Variants in PLCH2 observed in about 807,000 individuals in gnomAD.
The protein encoded by PLCH2 is phospholipase C eta 2.
A neutral mutation model predicts 134.7 loss-of-function variants in PLCH2; 98 were observed. That is an observed-to-expected ratio of 0.73 (90% CI 0.62 to 0.86). PLCH2 has a LOEUF of 0.86. PLCH2 is among the 40% of genes least tolerant of loss of function. The pLI is 0.00. For synonymous variants in PLCH2, 974 were observed against 827.5 expected (o/e 1.18, Z -3.04); for missense variants, 1,994 against 1,986.6 (o/e 1.00, Z -0.07).
intron 2 of PLCH2, among the ~76,000 whole-genome samples, chr1:2,435,702 G>C (rs894141093): frequency 5.9e-5 from 9 of 152,044 alleles, no homozygotes; most frequent in Non-Finnish European, 8.8e-5. Flanking sequence ...GGGTTTCCAG[G>C]GTCCTTTGAT....
upstream of PLCH2, among the ~76,000 whole-genome samples, chr1:2,476,071 G>A (rs766265759): frequency 9.2e-5 from 14 of 152,224 alleles, no homozygotes; most frequent in Non-Finnish European, 2.1e-4. Context: ...CAGGCCTTCC[G>A]GTTGCGTTCT....
At position 2,444,582 on chromosome 1, in the gene PLCH2, G is replaced by A. The variant is rs1227316163; in HGVS notation, c.115+13953G>A. Among the ~76,000 whole-genome samples, 1 of 152,126 alleles carries A rather than the reference G, an allele frequency of 6.6e-6. No individual in the cohort carries two copies. On this transcript the variant is annotated intron_variant, in intron 2 of 3. Coordinates refer to the PLCH2 transcript ENST00000609981. The surrounding 1 kb of genome is among the most constrained non-coding windows in gnomAD (Gnocchi z 4.6). ...GGGTCTCCTGGGCTCTGGACCTGCC[G>A]GCAGAGCTACAGGGTATTCTTTAGG...
intron 2 of PLCH2, among the ~76,000 whole-genome samples, chr1:2,450,632 C>T (rs1404080016): frequency 3.5e-5 from 3 of 85,288 alleles, no homozygotes; most frequent in Non-Finnish European, 4.8e-5. Flanking sequence ...ACTCCAACTC[C>T]CCCCCTGCCC....
chr1:2,453,206 C>A (rs964170619), intron 2 of PLCH2, among the ~76,000 whole-genome samples: 24 of 152,208 alleles, frequency 1.6e-4, no homozygotes, highest in Admixed American at 1.3e-4. Flanking sequence ...CGCAAGTCTG[C>A]CCCCCGACAG....
At chr1:2,455,825 C>G (rs536381821) in intron 2 of PLCH2, among the ~76,000 whole-genome samples, 1 of 152,192 alleles carries the variant, frequency 6.6e-6, no homozygotes, top group Non-Finnish European at 1.5e-5. Context: ...CCTCCCTCCC[C>G]GGCCGTGCCC....
chr1:2,491,345 A>G lies in PLCH2; in HGVS notation c.1659+10A>G. ...AAAGCTCGGACGCAAGGTAGAGGCC[A>G]AAAAGGTGACACCCCTGATGCCGAC... On this transcript the variant is annotated intron_variant, in intron 11 of 21. Coordinates refer to ENST00000378486, the MANE Select transcript of PLCH2 (RefSeq NM_014638.4). 4 of 1,609,618 alleles carry G rather than the reference A, an allele frequency of 2.5e-6. No individual in the cohort carries two copies. In the Middle Eastern group the frequency reaches 5.0e-4, roughly 203 times the overall value.
rs1332870017 is a variant in PLCH2 at position 2,476,578 on chromosome 1, G to A, written c.-11G>A. 7 of 1,512,066 alleles carry A rather than the reference G, an allele frequency of 4.6e-6. No homozygotes were observed. Among genetic ancestry groups the A allele is most frequent in the Non-Finnish European group, 6.2e-6 (7 of 1,137,818 alleles). The allele number at this position is 1,512,066 out of a possible 1,614,324, so 93.7% of individuals were successfully genotyped here. A position where few individuals can be genotyped will look rare whatever the true frequency, so the allele number is the denominator to read the frequency against. The stretch of plus-strand genomic sequence containing the variant: ...TGGCCTCCGTGAAGCAGGCCCGGCT[G>A]TCGTCAGGCCATGTCTGGTCCATGG... On this transcript the variant is annotated 5_prime_UTR_variant, in exon 1 of 22. Coordinates refer to ENST00000378486, the MANE Select transcript of PLCH2 (RefSeq NM_014638.4).
In PLCH2 at chr1:2,448,619, C is replaced by T. The variant is rs1640051971; in HGVS notation, c.115+17990C>T. 6.6e-6 allele frequency among the ~76,000 whole-genome samples: 1 copy of T among 151,730 alleles called. No individual in the cohort carries two copies. Among genetic ancestry groups the T allele is most frequent in the South Asian group, 2.1e-4 (1 of 4,804 alleles). On this transcript the variant is annotated intron_variant, in intron 2 of 3. Transcript: ENST00000609981. The surrounding 1 kb of genome is among the most constrained non-coding windows in gnomAD (Gnocchi z 4.0). Reference sequence around the variant, plus strand: ...TCTGTCGGGGGTCGCCCTTCAGCCCCCTACTGTGGCCGTGTGCTCCACCCC... The same window carrying T: ...TCTGTCGGGGGTCGCCCTTCAGCCCTCTACTGTGGCCGTGTGCTCCACCCC...
chr1:2,450,164 C>G (rs1640124132), intron 2 of PLCH2, among the ~76,000 whole-genome samples: 1 of 152,208 alleles, frequency 6.6e-6, no homozygotes, highest in Non-Finnish European at 1.5e-5. Flanking sequence ...GTTGCTGTCC[C>G]CTTCTTGGCT....
chr1:2,489,395 C>G lies in PLCH2; in HGVS notation c.1407+17C>G. ...CTCGTGAAGGTGAGTGAGCCCCTGC[C>G]CTCCTGGGACCAGCTCACACAGAGT... On this transcript the variant is annotated intron_variant, in intron 9 of 21. Coordinates refer to ENST00000378486, the MANE Select transcript of PLCH2 (RefSeq NM_014638.4). 6.2e-7 allele frequency: 1 copy of G among 1,612,194 alleles called. No homozygotes were observed. The highest frequency in any genetic ancestry group is 8.5e-7 in the Non-Finnish European group (1 of 1,178,994).
At chr1:2,454,029 T>C (rs2100564893) in intron 2 of PLCH2, among the ~76,000 whole-genome samples, 1 of 151,952 alleles carries the variant, frequency 6.6e-6, no homozygotes, top group South Asian at 2.1e-4. Context: ...GGTAGTGGGG[T>C]TCCGGGGGTG....
intron 5 of PLCH2, among the ~76,000 whole-genome samples, chr1:2,485,517 G>T (rs898080160): frequency 3.3e-5 from 5 of 152,050 alleles, no homozygotes; most frequent in African/African-American, 1.2e-4. Flanking sequence ...CTCGGCCTGG[G>T]GGTGCTGCTT....
rs115780632 is a variant in PLCH2 at position 2,476,879 on chromosome 1, C to T, written c.124+167C>T. ...AGGGATCATGTGGGTCCAGCAGCGT[C>T]GGCTGGCCCTGCCCCTCAGCCGCTC... On this transcript the variant is annotated intron_variant, in intron 1 of 21. Transcript: ENST00000378486. 6.5e-3 allele frequency among the ~76,000 whole-genome samples: 997 copies of T among 152,266 alleles called. 16 individuals carry two copies. Among genetic ancestry groups the T allele is most frequent in the African/African-American group, 0.023 (940 of 41,556 alleles).
At chr1:2,473,660 C>T (rs139716027), upstream of PLCH2, among the ~76,000 whole-genome samples, 135 of 152,326 alleles carry the variant, frequency 8.9e-4, no homozygotes, top group Middle Eastern at 3.4e-3. Context: ...CGTGTTGGAT[C>T]ATGGCCTCAC....
At chr1:2,442,496 T>C (rs946020569) in intron 2 of PLCH2, among the ~76,000 whole-genome samples, 59 of 152,200 alleles carry the variant, frequency 3.9e-4, no homozygotes, top group African/African-American at 1.3e-3. Flanking sequence ...CATCTCAGAC[T>C]CAGCCTTTCC....
At chr1:2,497,292 C>T (rs549177099) in intron 15 of PLCH2, among the ~76,000 whole-genome samples, 19 of 152,384 alleles carry the variant, frequency 1.2e-4, no homozygotes, top group South Asian at 4.1e-4. Context: ...AGGCTGGCTG[C>T]GCCAGCTCCG....
intron 2 of PLCH2, among the ~76,000 whole-genome samples, chr1:2,460,592 G>A (rs1640763576): frequency 1.3e-5 from 2 of 152,238 alleles, no homozygotes; most frequent in Admixed American, 6.5e-5. Flanking sequence ...CTTTTTCAAG[G>A]ATTTTCATAT....
intron 2 of PLCH2, among the ~76,000 whole-genome samples, chr1:2,462,028 T>A (rs1309718803): frequency 6.6e-6 from 1 of 151,188 alleles, no homozygotes; most frequent in Non-Finnish European, 1.5e-5. Context: ...CGGCAGCCCC[T>A]CTGCCTGACA....
At chr1:2,436,426 CTTT>C (rs1440187781) in intron 2 of PLCH2, among the ~76,000 whole-genome samples, 1,359 of 50,284 alleles carry the variant, frequency 0.027, 255 homozygotes, top group African/African-American at 0.15. Flanking sequence ...ACCTTTCCTC[CTTT>C]CTCCCTCCTC....
Sources: allele counts gnomAD v4.1 joint callset (sites outside exome capture counted in the v4.1 genomes callset), GRCh38; gene constraint gnomAD v4.1.1; non-coding constraint Gnocchi (gnomAD v3.1); transcripts MANE v1.5; gene names NCBI Gene and HGNC (gene_info 2026-07-23, HGNC 2026-07-21).